Variants in LRRK1 observed in about 807,000 individuals in gnomAD.
LRRK1 encodes leucine rich repeat kinase 1.
Under a neutral mutation model 209.1 loss-of-function variants are expected in LRRK1, and 113 were observed. The observed-to-expected ratio is 0.54, with a 90% CI of 0.46 to 0.63. LRRK1 has a LOEUF of 0.63. Among genes scored for constraint, LRRK1 ranks in the 30% least tolerant of loss-of-function variants. The probability of loss-of-function intolerance (pLI) is 0.00; values close to 1 mark genes in which losing one functional copy is unlikely to be tolerated. For synonymous variants in LRRK1, 1,144 were observed against 1,099.7 expected (o/e 1.04, Z -0.80); for missense variants, 2,284 against 2,632.2 (o/e 0.87, Z 2.89).
intron 31 of LRRK1, among the ~76,000 whole-genome samples, chr15:101,063,371 A>G (rs2036307848): frequency 6.6e-6 from 1 of 152,148 alleles, no homozygotes; most frequent in South Asian, 2.1e-4. Flanking sequence ...TTGACATCCC[A>G]GCCTCCTCCA....
Position 101,068,800 on chromosome 15 carries a change from C to T in LRRK1, c.6000C>T (p.Ser2000=), listed in dbSNP as rs1212251477. Residue 2000 remains serine (S), a synonymous_variant, in exon 34 of 34, where the codon TCC becomes TCT. Transcript: ENST00000388948. ...GGGAGTTCGACATTTTCTACCAGTC[C>T]TACGAGGAGCTGGGCCGGCTGGAGG... ...GAREFDIFYQ[S]YEELGRLEAC... is the part of the protein sequence containing the mutation. 1 of 1,612,438 alleles carries T rather than the reference C, an allele frequency of 6.2e-7. No homozygotes were observed. Among genetic ancestry groups the T allele is most frequent in the Non-Finnish European group, 8.5e-7 (1 of 1,179,428 alleles).
intron 29 of LRRK1, among the ~76,000 whole-genome samples, chr15:101,059,689 T>C (rs1182399548): frequency 2.0e-5 from 3 of 152,010 alleles, no homozygotes; most frequent in Non-Finnish European, 4.4e-5. Flanking sequence ...CGTGACATAG[T>C]TGAAAAATAA....
chr15:101,065,044 C>T (rs1197808637), intron 31 of LRRK1: 3 of 418,510 alleles, frequency 7.2e-6, no homozygotes, highest in East Asian at 4.5e-5. Context: ...CTGCAAGAAG[C>T]TGGCAGAAGC....
At chr15:100,941,426 G>GTGTCTC (rs1567191056) in intron 2 of LRRK1, among the ~76,000 whole-genome samples, 6 of 16,114 alleles carry the variant, frequency 3.7e-4, no homozygotes, top group African/African-American at 7.6e-4. Flanking sequence ...GTGTGTGTGT[G>GTGTCTC]TCTGTGTGTG....
Position 101,065,876 on chromosome 15 carries a change from C to A in LRRK1, c.5439C>A (p.Ile1813=). The A allele has an allele frequency of 6.2e-7, 1 of 1,614,170 alleles. No individual in the cohort carries two copies. The highest frequency in any genetic ancestry group is 1.6e-4 in the Middle Eastern group (1 of 6,062). ...CAAAGGTGCCTGAGGGGGACTCCAT[C>A]GCGGACGTGAGCATCATGTACAGTG... ...ANPKVPEGDS[I]ADVSIMYSEE... is the part of the protein sequence containing the mutation. The change falls in exon 32 of 34, where the codon ATC becomes ATA. Residue 1813 remains isoleucine, a synonymous_variant. Transcript: ENST00000388948.
rs533285496 is a variant in LRRK1 at position 100,950,907 on chromosome 15, T to G, written c.98-22897T>G. On this transcript the variant is annotated intron_variant, in intron 2 of 33. Coordinates refer to ENST00000388948, the MANE Select transcript of LRRK1 (RefSeq NM_024652.6). ...TCACGAGGTCAGGAGATCGAGACCA[T>G]CCTGGCTAACACGGTGAAACGCCAT... Among the ~76,000 whole-genome samples, 49 of 152,154 alleles carry G rather than the reference T, an allele frequency of 3.2e-4. 1 individual carries two copies. Among genetic ancestry groups the G allele is most frequent in the African/African-American group, 1.1e-3 (46 of 41,508 alleles).
intron 2 of LRRK1, among the ~76,000 whole-genome samples, chr15:100,941,232 G>T (rs1293353063): frequency 6.7e-6 from 1 of 149,264 alleles, no homozygotes; most frequent in Non-Finnish European, 1.5e-5. Flanking sequence ...CTGTGTGTGT[G>T]TCTGTGTGTG....
At chr15:101,016,316 G>T (rs1256431629) in intron 12 of LRRK1, among the ~76,000 whole-genome samples, 1 of 147,406 alleles carries the variant, frequency 6.8e-6, no homozygotes, top group Non-Finnish European at 1.5e-5. Context: ...AATACAGGAT[G>T]CCAGGAAGAA....
intron 21 of LRRK1, 61 bp downstream of exon 21, chr15:101,046,213 T>TG (rs1482330503): frequency 5.2e-6 from 8 of 1,545,550 alleles, no homozygotes; most frequent in Non-Finnish European, 7.1e-6. Flanking sequence ...GTTGTACCAC[T>TG]GGGGGAGGGG....
rs374983079 is a variant in LRRK1 at position 101,065,828 on chromosome 15, G to A, written c.5391G>A (p.Pro1797=). ...FPVRPLDTEP[P]AASHTANPKV... is the part of the protein sequence containing the mutation. The stretch of plus-strand genomic sequence containing the variant: ...TGCGGCCCTTGGACACGGAACCCCC[G>A]GCAGCCAGCCACACGGCCAACCCAA... The change falls in exon 32 of 34, where the codon CCG becomes CCA. Residue 1797 remains proline, a synonymous_variant. Coordinates refer to ENST00000388948, the MANE Select transcript of LRRK1 (RefSeq NM_024652.6). 155 of 1,614,000 alleles carry A rather than the reference G, an allele frequency of 9.6e-5. 1 individual carries two copies. Among genetic ancestry groups the A allele is most frequent in the Admixed American group, 1.7e-4 (10 of 60,030 alleles).
chr15:101,035,855 C>T (rs2034474977), intron 20 of LRRK1, among the ~76,000 whole-genome samples: 1 of 152,050 alleles, frequency 6.6e-6, no homozygotes, highest in Non-Finnish European at 1.5e-5. Flanking sequence ...TGTGTGTTTT[C>T]ATGATGTTAA....
chr15:100,993,002 T>G (rs2032230887), intron 6 of LRRK1, among the ~76,000 whole-genome samples: 1 of 152,160 alleles, frequency 6.6e-6, no homozygotes, highest in Non-Finnish European at 1.5e-5. Flanking sequence ...GTGTTGAGGT[T>G]AAAGCAAGGC....
chr15:101,028,270 T>A (rs1022433556), intron 19 of LRRK1, among the ~76,000 whole-genome samples: 1 of 152,244 alleles, frequency 6.6e-6, no homozygotes, highest in African/African-American at 2.4e-5. Context: ...TGTGTGTTGC[T>A]GCGTAAAGAT....
At chr15:100,976,871 C>T (rs1387816001) in intron 3 of LRRK1, among the ~76,000 whole-genome samples, 2 of 152,164 alleles carry the variant, frequency 1.3e-5, no homozygotes, top group Non-Finnish European at 2.9e-5. Flanking sequence ...ACAAGATAAT[C>T]TCTAGCAGCT....
chr15:101,068,575 C>A, intron 33 of LRRK1, 96 bp from the exon 34 acceptor site: 1 of 1,338,522 alleles, frequency 7.5e-7, no homozygotes, highest in Non-Finnish European at 1.0e-6. Context: ...CTGCCCTTAG[C>A]CAGCTCCGCC....
Position 101,027,351 on chromosome 15 carries a change from C to T in LRRK1, c.2496C>T (p.Thr832=), listed in dbSNP as rs1334462529. The part of the protein sequence containing the change: ...VTCSMKDVGS[T]IGCQRLAGRL... ...GCAGCATGAAGGACGTGGGCAGCACCATCGGCTGCCAGCGACTGGCAGGGC... is the reference window on the plus strand; with the variant it reads ...GCAGCATGAAGGACGTGGGCAGCACTATCGGCTGCCAGCGACTGGCAGGGC... The change falls in exon 18 of 34, where the codon ACC becomes ACT. Residue 832 remains threonine, a synonymous_variant. Coordinates refer to ENST00000388948, the MANE Select transcript of LRRK1 (RefSeq NM_024652.6). The surrounding 1 kb of genome is among the most constrained non-coding windows in gnomAD (Gnocchi z 5.1). 1 of 1,613,872 alleles carries T rather than the reference C, an allele frequency of 6.2e-7. No homozygotes were observed. The highest frequency in any genetic ancestry group is 2.2e-5 in the East Asian group (1 of 44,876).
intron 7 of LRRK1, among the ~76,000 whole-genome samples, chr15:101,009,475 A>C (rs2033133411): frequency 6.6e-6 from 1 of 152,248 alleles, no homozygotes; most frequent in African/African-American, 2.4e-5. Flanking sequence ...GCAGGTGGAC[A>C]GTGTGGGCAG....
At chr15:101,000,572 G>T (rs1454163324) in intron 6 of LRRK1, among the ~76,000 whole-genome samples, 1 of 152,332 alleles carries the variant, frequency 6.6e-6, no homozygotes, top group African/African-American at 2.4e-5. Context: ...TCTCCTGGAA[G>T]CCCTGAGGGA....
intron 2 of LRRK1, among the ~76,000 whole-genome samples, chr15:100,938,553 C>T (rs2042344567): frequency 6.6e-6 from 1 of 152,092 alleles, no homozygotes; most frequent in Admixed American, 6.6e-5. Flanking sequence ...AGGTAACCCA[C>T]CTTCTGCCAT....
Sources: allele counts gnomAD v4.1 joint callset (sites outside exome capture counted in the v4.1 genomes callset), GRCh38; gene constraint gnomAD v4.1.1; non-coding constraint Gnocchi (gnomAD v3.1); transcripts MANE v1.5; gene names NCBI Gene and HGNC (gene_info 2026-07-23, HGNC 2026-07-21).